THSD7A: variants seen among roughly 807,000 people sequenced by gnomAD.
THSD7A encodes the protein thrombospondin type 1 domain containing 7A.
Under a neutral mutation model 231.3 loss-of-function variants are expected in THSD7A, and 96 were observed. The observed-to-expected ratio is 0.41, with a 90% confidence interval of 0.35 to 0.49. The LOEUF is 0.49. Among genes scored for constraint, THSD7A ranks in the 20% least tolerant of loss-of-function variants. The probability of loss-of-function intolerance (pLI) is 0.05; values close to 1 mark genes in which losing one functional copy is unlikely to be tolerated. For missense variants in THSD7A, 2,290 were observed against 2,070.2 expected, an observed-to-expected ratio of 1.11 and a Z score of -2.06; for synonymous variants, 940 against 743.3, an observed-to-expected ratio of 1.26 and a Z score of -4.30.
At chr7:11,623,305 G>C (rs1781377133) in intron 2 of THSD7A, among the ~76,000 whole-genome samples, 1 of 152,132 alleles carries the variant, frequency 6.6e-6, no homozygotes, top group Admixed American at 6.6e-5. Flanking sequence ...GGAAAAGCAA[G>C]GAAGTACCTA....
chr7:11,513,291 T>C (rs1245900090), intron 6 of THSD7A, among the ~76,000 whole-genome samples: 1 of 151,380 alleles, frequency 6.6e-6, no homozygotes, highest in African/African-American at 2.4e-5. Context: ...ACCACCTGTA[T>C]CCCAATCACT....
rs544331779 is a variant in THSD7A, at chr7:11,435,323, C to G, written c.3065-6198G>C. Among the ~76,000 whole-genome samples the G allele has an allele frequency of 1.3e-3, 195 of 152,184 alleles. 1 individual carries two copies. The highest frequency in any genetic ancestry group is 0.01 in the Middle Eastern group (3 of 294). ...GAAATTTCACTAGTGATAGAACTATCTATGTTATTCATGGTGGGCTCCTCA... is the reference window on the plus strand; with the variant it reads ...GAAATTTCACTAGTGATAGAACTATGTATGTTATTCATGGTGGGCTCCTCA... On this transcript the variant is annotated intron_variant, in intron 13 of 27. Coordinates refer to ENST00000423059, the MANE Select transcript of THSD7A (RefSeq NM_015204.3).
chr7:11,744,007 T>C (rs966009184), intron 1 of THSD7A, among the ~76,000 whole-genome samples: 3 of 151,936 alleles, frequency 2.0e-5, no homozygotes, highest in African/African-American at 4.8e-5. Context: ...TAATACAGAC[T>C]AGACTGACAG....
chr7:11,526,570 TA>T (rs1420129726), intron 6 of THSD7A, among the ~76,000 whole-genome samples: 1 of 152,244 alleles, frequency 6.6e-6, no homozygotes, highest in Non-Finnish European at 1.5e-5. Context: ...ATAGCAGGCA[TA>T]ACCATGTGCC....
At chr7:11,651,523 C>G (rs1482504378) in intron 1 of THSD7A, among the ~76,000 whole-genome samples, 2 of 143,462 alleles carry the variant, frequency 1.4e-5, no homozygotes, top group African/African-American at 2.5e-5. Flanking sequence ...ATCTATCTAT[C>G]TAGCACTACA....
Position 11,474,303 on chromosome 7 carries a change from C to T in THSD7A, c.2252+31G>A, listed in dbSNP as rs773134507. On this transcript the variant is annotated intron_variant, in intron 8 of 27. Coordinates refer to ENST00000423059, the MANE Select transcript of THSD7A (RefSeq NM_015204.3). The surrounding 1 kb of genome is among the most constrained non-coding windows in gnomAD (Gnocchi z 4.1). ...CCAATCCTCTGCACAGGTGGCTACACGATTTACTGTTGTCATTCTAAAGCT... is the reference window on the plus strand; with the variant it reads ...CCAATCCTCTGCACAGGTGGCTACATGATTTACTGTTGTCATTCTAAAGCT... The T allele has an allele frequency of 1.9e-5, 30 of 1,569,220 alleles. No individual in the cohort carries two copies. In the Middle Eastern group the frequency reaches 5.1e-4, roughly 27 times the overall value.
At chr7:11,383,877 G>C (rs1299699852) in intron 23 of THSD7A, 2 of 152,018 alleles carry the variant, frequency 1.3e-5, no homozygotes, top group Non-Finnish European at 2.9e-5. Flanking sequence ...CAGAGTGTGA[G>C]TGAGGATTTC....
rs143852377 is a variant in THSD7A, at chr7:11,554,071, T to C, written c.1454-10954A>G. Among the ~76,000 whole-genome samples the C allele has an allele frequency of 6.4e-4, 98 of 152,168 alleles. 3 individuals carry two copies. In the East Asian group the frequency reaches 0.018, roughly 28 times the overall value. ...CCAGTTTCTCCCATAGGCAAGATTG[T>C]ATAAACATAGTACAATATTACAGCC... On this transcript the variant is annotated intron_variant, in intron 4 of 27. Transcript: ENST00000423059.
At chr7:11,788,900 G>T (rs1252217246) in intron 1 of THSD7A, among the ~76,000 whole-genome samples, 1 of 151,898 alleles carries the variant, frequency 6.6e-6, no homozygotes, top group African/African-American at 2.4e-5. Context: ...AAATGTAGCT[G>T]TTATTATTAT....
At chr7:11,774,487 TACACACACACACACACAC>T (rs71830837) in intron 1 of THSD7A, among the ~76,000 whole-genome samples, 4 of 148,938 alleles carry the variant, frequency 2.7e-5, no homozygotes, top group South Asian at 2.2e-4. Flanking sequence ...TAAGCATTCT[TACACACACACACACACAC>T]ACACACACAC....
At chr7:11,376,006 G>T in intron 27 of THSD7A, 128 bp from the exon 28 acceptor site, 3 of 746,806 alleles carry the variant, frequency 4.0e-6, no homozygotes, top group Middle Eastern at 5.9e-4. Context: ...GTTGCCTAAA[G>T]TCTATCTACC....
At chr7:11,430,579 G>A (rs903330217) in intron 13 of THSD7A, among the ~76,000 whole-genome samples, 3 of 152,014 alleles carry the variant, frequency 2.0e-5, no homozygotes, top group Non-Finnish European at 4.4e-5. Flanking sequence ...TCCTACCTCA[G>A]CCTCTTAAGT....
chr7:11,409,984 C>T (rs906540623), intron 19 of THSD7A, among the ~76,000 whole-genome samples: 6 of 152,214 alleles, frequency 3.9e-5, no homozygotes, highest in Middle Eastern at 3.4e-3. Flanking sequence ...TCAGGTGATC[C>T]GCCCGACTGA....
chr7:11,718,213 T>C (rs1781211493), intron 1 of THSD7A, among the ~76,000 whole-genome samples: 2 of 151,656 alleles, frequency 1.3e-5, no homozygotes, highest in African/African-American at 4.8e-5. Flanking sequence ...AAACCTCTTG[T>C]TTCTGCAGCA....
At chr7:11,560,638 C>A (rs1790038709) in intron 4 of THSD7A, among the ~76,000 whole-genome samples, 1 of 152,074 alleles carries the variant, frequency 6.6e-6, no homozygotes, top group South Asian at 2.1e-4. Context: ...TAGCATGCAA[C>A]CCATGCAAAG....
chr7:11,637,910 T>C lies in THSD7A; in HGVS notation c.191-949A>G, dbSNP rs1781932434. Among the ~76,000 whole-genome samples the C allele has an allele frequency of 6.6e-6, 1 of 152,228 alleles. No homozygotes were observed. Among genetic ancestry groups the C allele is most frequent in the Non-Finnish European group, 1.5e-5 (1 of 68,028 alleles). ...CCAATTTACGAAATTGAGAATTGTATTATTTTGGAATCATAAAGAAACTTA... is the reference window on the plus strand; with the variant it reads ...CCAATTTACGAAATTGAGAATTGTACTATTTTGGAATCATAAAGAAACTTA... On this transcript the variant is annotated intron_variant, in intron 1 of 27. Transcript: ENST00000423059. This position sits in a 1 kb window ranked among gnomAD's most constrained non-coding sequence, Gnocchi z 4.2.
At chr7:11,525,281 T>C (rs1424032014) in intron 6 of THSD7A, among the ~76,000 whole-genome samples, 1 of 150,826 alleles carries the variant, frequency 6.6e-6, no homozygotes, top group Non-Finnish European at 1.5e-5. Flanking sequence ...AAATTCACCC[T>C]GCCAAGAAAT....
At chr7:11,621,415 A>G (rs947276181) in intron 2 of THSD7A, among the ~76,000 whole-genome samples, 4 of 152,180 alleles carry the variant, frequency 2.6e-5, no homozygotes, top group Non-Finnish European at 5.9e-5. Flanking sequence ...TAAACTTTAT[A>G]TGAGTTTACG....
intron 1 of THSD7A, among the ~76,000 whole-genome samples, chr7:11,708,813 G>C (rs1037961619): frequency 6.6e-6 from 1 of 150,576 alleles, no homozygotes; most frequent in African/African-American, 2.4e-5. Context: ...AGTTATTATA[G>C]ACCAATATTA....
Sources: gnomAD v4.1 joint callset for allele counts (sites outside exome capture counted in the v4.1 genomes callset) on GRCh38, gnomAD v4.1.1 for gene constraint, Gnocchi (gnomAD v3.1) non-coding constraint, MANE v1.5 for transcripts, NCBI Gene and HGNC (gene_info 2026-07-23, HGNC 2026-07-21) for gene names.